DLGAP1: variants seen among roughly 807,000 people sequenced by gnomAD.
DLGAP1 encodes the protein disks large-associated protein 1.
A neutral mutation model predicts 90.8 loss-of-function variants in DLGAP1; 11 were observed. That is an observed-to-expected ratio of 0.12 (90% CI 0.08 to 0.20). DLGAP1 has a LOEUF of 0.20. Among genes scored for constraint, DLGAP1 ranks in the 10% least tolerant of loss-of-function variants. The pLI, the probability that DLGAP1 is intolerant of heterozygous loss-of-function variation, is 1.00. For synonymous variants in DLGAP1, 558 were observed against 540.7 expected (o/e 1.03, Z -0.44); for missense variants, 1,050 against 1,333.8 (o/e 0.79, Z 3.31).
intron 8 of DLGAP1, chr18:3,580,346 T>C: frequency 1.2e-6 from 2 of 1,613,914 alleles, no homozygotes. Flanking sequence ...GAAATGTAGT[T>C]TTGCCACAGA....
chr18:4,090,543 G>T (rs571200596), intron 2 of DLGAP1, among the ~76,000 whole-genome samples: 5 of 152,280 alleles, frequency 3.3e-5, no homozygotes, highest in Admixed American at 3.3e-4. Context: ...ACCGCAATGA[G>T]ATACCATCTC....
At chr18:4,258,010 T>TGTGTGTGTGTGCGC (rs529531621) in intron 1 of DLGAP1, among the ~76,000 whole-genome samples, 7 of 137,006 alleles carry the variant, frequency 5.1e-5, no homozygotes, top group Admixed American at 2.8e-4. Context: ...TGTGTGTGTG[T>TGTGTGTGTGTGCGC]GCGCGCGCGC....
intron 2 of DLGAP1, among the ~76,000 whole-genome samples, chr18:4,107,462 C>T (rs1300433156): frequency 1.3e-5 from 2 of 152,162 alleles, no homozygotes; most frequent in Non-Finnish European, 2.9e-5. Flanking sequence ...GTACTTGTTC[C>T]CCATGACCCA....
At position 3,553,889 on chromosome 18, in the gene DLGAP1, T is replaced by C. The variant is rs1270334785; in HGVS notation, c.2057+13601A>G. Among the ~76,000 whole-genome samples, 4 of 152,170 alleles carry C rather than the reference T, an allele frequency of 2.6e-5. No homozygotes were observed. The South Asian group carries it at 6.2e-4, about 24-fold the overall frequency. On this transcript the variant is annotated intron_variant, in intron 9 of 12. Coordinates refer to ENST00000315677, the MANE Select transcript of DLGAP1 (RefSeq NM_004746.4). ...GCCTATCAAAATTAAAAACTGTTAA[T>C]ATGTTAAGATATGTTTTCTTCCAAG...
chr18:3,956,340 C>T (rs1275928237), intron 3 of DLGAP1, among the ~76,000 whole-genome samples: 1 of 152,086 alleles, frequency 6.6e-6, no homozygotes, highest in Admixed American at 6.5e-5. Flanking sequence ...GAAAGAATCC[C>T]TTTAACATTT....
intron 3 of DLGAP1, among the ~76,000 whole-genome samples, chr18:3,951,596 T>C (rs1456675720): frequency 1.3e-5 from 2 of 152,226 alleles, no homozygotes; most frequent in African/African-American, 4.8e-5. Flanking sequence ...TGGCCTATTA[T>C]ATGGTTTGGC....
chr18:3,843,316 T>C (rs983752850), intron 4 of DLGAP1, among the ~76,000 whole-genome samples: 7 of 152,190 alleles, frequency 4.6e-5, no homozygotes, highest in Admixed American at 3.9e-4. Context: ...CAAAAGATCA[T>C]GAAGCTGATG....
intron 1 of DLGAP1, among the ~76,000 whole-genome samples, chr18:4,448,615 T>C (rs910850654): frequency 6.6e-6 from 1 of 152,132 alleles, no homozygotes; most frequent in Non-Finnish European, 1.5e-5. Context: ...AGCTGAATGG[T>C]AGATGTGGTA....
At chr18:4,350,181 CT>C (rs2143967362) in intron 1 of DLGAP1, among the ~76,000 whole-genome samples, 1 of 152,158 alleles carries the variant, frequency 6.6e-6, no homozygotes, top group African/African-American at 2.4e-5. Context: ...ATAAAATATC[CT>C]GGTTTTTGCT....
chr18:4,414,156 A>G (rs1448448992), intron 1 of DLGAP1, among the ~76,000 whole-genome samples: 1 of 144,636 alleles, frequency 6.9e-6, no homozygotes, highest in Non-Finnish European at 1.5e-5. Context: ...TAAAGAACAT[A>G]TAACATTGCT....
At chr18:3,905,363 T>G in intron 3 of DLGAP1, among the ~76,000 whole-genome samples, 2 of 18,790 alleles carry the variant, frequency 1.1e-4, no homozygotes, top group Non-Finnish European at 2.3e-4. Flanking sequence ...TGAGACTCCA[T>G]CTCAAAAAAA....
intron 1 of DLGAP1, among the ~76,000 whole-genome samples, chr18:4,316,458 GC>G (rs1302452424): frequency 6.6e-6 from 1 of 152,182 alleles, no homozygotes; most frequent in African/African-American, 2.4e-5. Context: ...TAGTTAGCAA[GC>G]CTGCTTCAAT....
Position 4,307,238 on chromosome 18 carries a change from A to AT in DLGAP1, c.-267+147767dup, listed in dbSNP as rs1246079826. Among the ~76,000 whole-genome samples, 11 of 152,276 alleles carry AT rather than the reference A, an allele frequency of 7.2e-5. No homozygotes were observed. In the South Asian group the frequency reaches 1.7e-3, roughly 23 times the overall value. ...ATCCAATAGAATTGAAAGTCTTAGC[A>AT]TTGAATAGTGAAGAGATGCATATTT... On this transcript the variant is annotated intron_variant, in intron 1 of 12. Coordinates refer to ENST00000315677, the MANE Select transcript of DLGAP1 (RefSeq NM_004746.4).
At chr18:3,550,755 T>A (rs1245747793) in intron 9 of DLGAP1, among the ~76,000 whole-genome samples, 3 of 145,786 alleles carry the variant, frequency 2.1e-5, no homozygotes. Context: ...TTTTTTTTTT[T>A]TTGTAAGACA....
intron 3 of DLGAP1, among the ~76,000 whole-genome samples, chr18:3,991,063 G>T (rs1395125640): frequency 6.6e-6 from 1 of 152,006 alleles, no homozygotes; most frequent in East Asian, 1.9e-4. Flanking sequence ...TGTCACAGGG[G>T]TTTGGTGTAT....
chr18:3,899,224 C>T (rs2071728831), intron 3 of DLGAP1, among the ~76,000 whole-genome samples: 1 of 152,204 alleles, frequency 6.6e-6, no homozygotes, highest in Admixed American at 6.5e-5. Flanking sequence ...GTCTAGCAAC[C>T]TCCGCCCATG....
At chr18:3,700,103 G>C (rs1352803054) in intron 7 of DLGAP1, among the ~76,000 whole-genome samples, 1 of 152,140 alleles carries the variant, frequency 6.6e-6, no homozygotes, top group Non-Finnish European at 1.5e-5. Flanking sequence ...TTGGCTCCCT[G>C]GCTTCAGCCC....
rs1487023229 is a variant in DLGAP1 at position 3,975,079 on chromosome 18, G to A, written c.-73+30037C>T. ...TTAATGGGTACAGAGTTTCAGTTTT[G>A]CAAGATGAAGATTTCTGGAGATCTG... is the stretch of plus-strand genomic sequence containing the variant. On this transcript the variant is annotated intron_variant, in intron 3 of 12. Transcript: ENST00000315677. Among the ~76,000 whole-genome samples, 4 of 152,058 alleles carry A rather than the reference G, an allele frequency of 2.6e-5. 1 individual carries two copies. Among genetic ancestry groups the A allele is most frequent in the Middle Eastern group, 6.3e-3 (2 of 316 alleles).
At chr18:3,718,873 C>A (rs1325101802) in intron 7 of DLGAP1, among the ~76,000 whole-genome samples, 3 of 147,552 alleles carry the variant, frequency 2.0e-5, no homozygotes, top group Admixed American at 6.8e-5. Flanking sequence ...TTGCAGTGAG[C>A]CGAGATTGCG....
Sources: gnomAD v4.1 joint callset for allele counts (sites outside exome capture counted in the v4.1 genomes callset) on GRCh38, gnomAD v4.1.1 for gene constraint, MANE v1.5 for transcripts, NCBI Gene and HGNC (gene_info 2026-07-23, HGNC 2026-07-21) for gene names.